Variants in MIPEP observed in about 807,000 individuals in gnomAD.
The protein encoded by MIPEP is mitochondrial intermediate peptidase.
MIPEP carries 79 observed loss-of-function variants against 90.3 expected under a neutral mutation model. The observed-to-expected ratio is 0.87, with a 90% CI of 0.73 to 1.05. The LOEUF is 1.05. Ranked by LOEUF, MIPEP falls within the 50% of genes least tolerant of loss-of-function variation. MIPEP has a pLI of 0.00. For missense variants in MIPEP, 940 were observed against 905.6 expected (o/e 1.04, Z -0.49); for synonymous variants, 334 against 315.8 (o/e 1.06, Z -0.61).
In MIPEP at chr13:23,872,103, T is replaced by C. The variant is rs115807873; in HGVS notation, c.604-1908A>G. 4.1e-3 allele frequency among the ~76,000 whole-genome samples: 632 copies of C among 152,360 alleles called. 5 individuals are homozygous for C. Among genetic ancestry groups the C allele is most frequent in the African/African-American group, 0.015 (611 of 41,590 alleles). ...AAAATTCTATGAAATTTCTGTGTTA[T>C]TAAATAATGTTAAAAATAAACATTT... On this transcript the variant is annotated intron_variant, in intron 5 of 18. Transcript: ENST00000382172.
chr13:23,759,149 C>T (rs900276956), intron 17 of MIPEP, among the ~76,000 whole-genome samples: 26 of 152,112 alleles, frequency 1.7e-4, no homozygotes, highest in Admixed American at 1.4e-3. Flanking sequence ...AAAGAAAGAG[C>T]CTTCTAAGGA....
chr13:23,826,866 T>A (rs1334767660), intron 14 of MIPEP, among the ~76,000 whole-genome samples: 2 of 152,060 alleles, frequency 1.3e-5, no homozygotes, highest in Non-Finnish European at 2.9e-5. Flanking sequence ...TATCTGAGGG[T>A]TGCACATTCA....
intron 18 of MIPEP, among the ~76,000 whole-genome samples, chr13:23,749,639 C>T (rs952471689): frequency 4.6e-5 from 7 of 152,146 alleles, no homozygotes; most frequent in Admixed American, 6.5e-5. Context: ...GCTGAATTCT[C>T]GCAGTGGCCG....
chr13:23,745,734 C>A lies in MIPEP; in HGVS notation c.2044+10811G>T, dbSNP rs550180830. Among the ~76,000 whole-genome samples the A allele has an allele frequency of 6.6e-4, 100 of 152,000 alleles. 1 individual carries two copies. Among genetic ancestry groups the A allele is most frequent in the Non-Finnish European group, 6.8e-4 (46 of 67,994 alleles). On this transcript the variant is annotated intron_variant, in intron 18 of 18. Coordinates refer to ENST00000382172, the MANE Select transcript of MIPEP (RefSeq NM_005932.4). ...CTTGAGGTCAGGAGTTCGAGACCAG[C>A]CTGGCCAACATGGTGAAAGCCCATC...
At chr13:23,781,223 A>C (rs1952779274) in intron 16 of MIPEP, among the ~76,000 whole-genome samples, 1 of 152,234 alleles carries the variant, frequency 6.6e-6, no homozygotes, top group South Asian at 2.1e-4. Context: ...GGTTACCCAC[A>C]AAAGGAAACC....
chr13:23,885,729 T>A (rs1871449281), intron 2 of MIPEP, among the ~76,000 whole-genome samples: 2 of 151,090 alleles, frequency 1.3e-5, no homozygotes, highest in South Asian at 4.2e-4. Flanking sequence ...CAAAACTTGG[T>A]TTTTAATTAA....
At chr13:23,778,460 C>T (rs542318769) in intron 16 of MIPEP, among the ~76,000 whole-genome samples, 129 of 152,284 alleles carry the variant, frequency 8.5e-4, no homozygotes, top group African/African-American at 3.0e-3. Flanking sequence ...GCTCAAGCAA[C>T]TAGCTGTGCA....
chr13:23,742,784 A>G (rs934076688), intron 18 of MIPEP, among the ~76,000 whole-genome samples: 5 of 152,236 alleles, frequency 3.3e-5, no homozygotes, highest in African/African-American at 1.2e-4. Context: ...TAAAAGATGG[A>G]ATTAAAATAA....
At chr13:23,752,153 G>T (rs928689910) in intron 18 of MIPEP, among the ~76,000 whole-genome samples, 4 of 152,044 alleles carry the variant, frequency 2.6e-5, no homozygotes, top group African/African-American at 4.8e-5. Context: ...ACTTATCAGA[G>T]GATAAGTAAA....
chr13:23,732,258 G>A (rs1450815020), intron 18 of MIPEP, among the ~76,000 whole-genome samples: 1 of 152,078 alleles, frequency 6.6e-6, no homozygotes, highest in African/African-American at 2.4e-5. Context: ...CAAAGTGCTG[G>A]GATTACAGGC....
chr13:23,740,931 G>C (rs1010703436), intron 18 of MIPEP, among the ~76,000 whole-genome samples: 1 of 152,206 alleles, frequency 6.6e-6, no homozygotes, highest in Non-Finnish European at 1.5e-5. Context: ...AAGATGCAAG[G>C]GAAGTTCATG....
At chr13:23,867,322 T>C (rs185411763) in intron 7 of MIPEP, among the ~76,000 whole-genome samples, 1 of 152,286 alleles carries the variant, frequency 6.6e-6, no homozygotes, top group Non-Finnish European at 1.5e-5. Flanking sequence ...ACCTTAGCAC[T>C]TGATAGTGAC....
At chr13:23,888,496 C>A (rs1282935231) in intron 1 of MIPEP, among the ~76,000 whole-genome samples, 4 of 152,306 alleles carry the variant, frequency 2.6e-5, no homozygotes, top group Admixed American at 2.6e-4. Flanking sequence ...CTTCCTCTCA[C>A]CTTTCACTAG....
chr13:23,885,273 A>T (rs750718512), intron 2 of MIPEP, among the ~76,000 whole-genome samples: 2 of 152,214 alleles, frequency 1.3e-5, no homozygotes, highest in Non-Finnish European at 2.9e-5. Context: ...TAAAGAGTAG[A>T]AGGATGGTTA....
chr13:23,808,175 T>C (rs1369055424), intron 15 of MIPEP, among the ~76,000 whole-genome samples: 6 of 151,708 alleles, frequency 4.0e-5, no homozygotes, highest in African/African-American at 1.2e-4. Flanking sequence ...CTCGGCTCAC[T>C]GCAAGCTCCG....
At chr13:23,793,986 G>A (rs888252464) in intron 16 of MIPEP, among the ~76,000 whole-genome samples, 2 of 152,054 alleles carry the variant, frequency 1.3e-5, no homozygotes, top group African/African-American at 4.8e-5. Flanking sequence ...GGGAAGGGAC[G>A]TCACACTCAA....
intron 18 of MIPEP, among the ~76,000 whole-genome samples, chr13:23,732,940 A>G (rs916491355): frequency 6.6e-6 from 1 of 152,252 alleles, no homozygotes; most frequent in African/African-American, 2.4e-5. Flanking sequence ...GTAAGCAACT[A>G]TTGAACTCTA....
intron 14 of MIPEP, among the ~76,000 whole-genome samples, chr13:23,814,081 C>T (rs1953207603): frequency 6.6e-6 from 1 of 152,142 alleles, no homozygotes; most frequent in Admixed American, 6.5e-5. Flanking sequence ...AAGTCTGAGG[C>T]ATCATAAATA....
chr13:23,748,871 A>G (rs1952410258), intron 18 of MIPEP, among the ~76,000 whole-genome samples: 1 of 152,204 alleles, frequency 6.6e-6, no homozygotes, highest in East Asian at 1.9e-4. Context: ...AGAACCTGTC[A>G]GGCGTTAAGG....
Sources: allele counts gnomAD v4.1 joint callset (sites outside exome capture counted in the v4.1 genomes callset), GRCh38; gene constraint gnomAD v4.1.1; transcripts MANE v1.5; gene names NCBI Gene and HGNC (gene_info 2026-07-23, HGNC 2026-07-21).